GALNT17: variants seen among roughly 807,000 people sequenced by gnomAD.
GALNT17 encodes polypeptide N-acetylgalactosaminyltransferase 17, also known as UDP-GalNAc:polypeptide N-acetylgalactosaminyltransferase-like 3.
Under a neutral mutation model 63.7 loss-of-function variants are expected in GALNT17, and 29 were observed. That is an observed-to-expected ratio of 0.46 (90% CI 0.34 to 0.62). The LOEUF (loss-of-function observed/expected upper bound fraction) is 0.62, where lower values mean the gene tolerates loss of function less well. Ranked by LOEUF, GALNT17 falls within the 20% of genes least tolerant of loss-of-function variation. The probability of loss-of-function intolerance (pLI) is 0.01; values close to 1 mark genes in which losing one functional copy is unlikely to be tolerated. For missense variants in GALNT17, 603 were observed against 799.6 expected (o/e 0.75, Z 2.97); for synonymous variants, 305 against 318.3 (o/e 0.96, Z 0.45).
chr7:71,654,276 C>T (rs1790795449), intron 6 of GALNT17, among the ~76,000 whole-genome samples: 3 of 152,114 alleles, frequency 2.0e-5, no homozygotes, highest in South Asian at 2.1e-4. Context: ...GCCTTGTGAT[C>T]GGCAACCGAA....
chr7:71,214,356 G>C (rs1429520590), intron 1 of GALNT17, among the ~76,000 whole-genome samples: 3 of 152,172 alleles, frequency 2.0e-5, no homozygotes, highest in African/African-American at 7.2e-5. Flanking sequence ...TCTCAGATGA[G>C]AGTTCTGAGA....
At chr7:71,349,468 G>A (rs1295661266) in intron 2 of GALNT17, among the ~76,000 whole-genome samples, 1 of 152,166 alleles carries the variant, frequency 6.6e-6, no homozygotes, top group Non-Finnish European at 1.5e-5. Context: ...GTGGCATATG[G>A]AGGGAACATA....
rs575821529 is a variant in GALNT17 at position 71,546,271 on chromosome 7, C to G, written c.963-25014C>G. On this transcript the variant is annotated intron_variant, in intron 5 of 10. Coordinates refer to ENST00000333538, the MANE Select transcript of GALNT17 (RefSeq NM_022479.3). ...AGCCTCCCTGGCTGAAGCAATGCTC[C>G]CATCTCAGCCTCCTGAGTAGCTGGG... Among the ~76,000 whole-genome samples, 8 of 151,898 alleles carry G rather than the reference C, an allele frequency of 5.3e-5. 2 individuals carry two copies. In the South Asian group the frequency reaches 1.7e-3, roughly 32 times the overall value.
chr7:71,263,849 G>A (rs537467588), intron 1 of GALNT17, among the ~76,000 whole-genome samples: 21 of 151,344 alleles, frequency 1.4e-4, no homozygotes, highest in Non-Finnish European at 2.2e-4. Flanking sequence ...GCGTGAACCC[G>A]GGAGGCGGAG....
intron 1 of GALNT17, among the ~76,000 whole-genome samples, chr7:71,189,676 G>A (rs1471201561): frequency 2.0e-5 from 3 of 152,168 alleles, no homozygotes; most frequent in Admixed American, 1.3e-4. Context: ...CTTCGGTGGA[G>A]GTTTGGGAGA....
At chr7:71,703,916 G>C (rs866912129) in intron 9 of GALNT17, among the ~76,000 whole-genome samples, 2 of 152,318 alleles carry the variant, frequency 1.3e-5, no homozygotes, top group African/African-American at 4.8e-5. Context: ...TCTGAAGGCA[G>C]TAAGGGCCCA....
chr7:71,350,722 G>A (rs1792174569), intron 2 of GALNT17, among the ~76,000 whole-genome samples: 1 of 152,156 alleles, frequency 6.6e-6, no homozygotes, highest in African/African-American at 2.4e-5. Context: ...ATCCATGAGG[G>A]GGTTCTGGAA....
At position 71,607,950 on chromosome 7, in the gene GALNT17, C is replaced by G. The variant is rs549995045; in HGVS notation, c.1080+36548C>G. On this transcript the variant is annotated intron_variant, in intron 6 of 10. Transcript: ENST00000333538. ...TAGTCCTGAACTTTCAGTTGCCTCA[C>G]ACACAAAACTTATGTCTCATACCTG... 2.0e-5 allele frequency among the ~76,000 whole-genome samples: 3 copies of G among 152,252 alleles called. No individual in the cohort carries two copies. In the South Asian group the frequency reaches 6.2e-4, roughly 32 times the overall value.
intron 1 of GALNT17, among the ~76,000 whole-genome samples, chr7:71,308,744 GTTTTTTTT>G (rs760443992): frequency 1.4e-5 from 2 of 138,786 alleles, no homozygotes; most frequent in East Asian, 2.1e-4. Context: ...TTTCTCTTTA[GTTTTTTTT>G]TTTTTTTTTG....
chr7:71,188,218 A>T (rs1038704699), intron 1 of GALNT17, among the ~76,000 whole-genome samples: 2 of 152,040 alleles, frequency 1.3e-5, no homozygotes, highest in Non-Finnish European at 2.9e-5. Context: ...TCGTATAATG[A>T]CTTCTTTTCC....
chr7:71,554,383 C>T (rs62459937), intron 5 of GALNT17, among the ~76,000 whole-genome samples: 5,230 of 152,302 alleles, frequency 0.034, 97 homozygotes, highest in Middle Eastern at 0.082. Flanking sequence ...CTTTGCCTTT[C>T]GCCATGATGG....
chr7:71,344,529 A>C (rs1475218378), intron 2 of GALNT17, among the ~76,000 whole-genome samples: 2 of 152,096 alleles, frequency 1.3e-5, no homozygotes, highest in African/African-American at 4.8e-5. Context: ...AAAAGATTAG[A>C]GTCAGGATGG....
At chr7:71,411,814 C>T (rs1489083248) in intron 3 of GALNT17, among the ~76,000 whole-genome samples, 1 of 152,222 alleles carries the variant, frequency 6.6e-6, no homozygotes, top group Non-Finnish European at 1.5e-5. Flanking sequence ...ATGCATTTGA[C>T]TTTCCTGACC....
chr7:71,323,104 GATA>G (rs1221867263), intron 1 of GALNT17, among the ~76,000 whole-genome samples: 1 of 152,006 alleles, frequency 6.6e-6, no homozygotes, highest in Non-Finnish European at 1.5e-5. Flanking sequence ...AAAATTACAT[GATA>G]ATGATATGTC....
At chr7:71,398,971 G>A (rs1036421695) in intron 3 of GALNT17, among the ~76,000 whole-genome samples, 40 of 152,148 alleles carry the variant, frequency 2.6e-4, no homozygotes, top group Admixed American at 7.9e-4. Flanking sequence ...GGTGGCTCAC[G>A]CCTGTAATCC....
At chr7:71,556,052 G>A (rs6460672) in intron 5 of GALNT17, among the ~76,000 whole-genome samples, 127,750 of 152,208 alleles carry the variant, frequency 0.84, 53,981 homozygotes, top group Middle Eastern at 0.89. Flanking sequence ...GAGATGGCAA[G>A]TCCAGCATAG....
intron 1 of GALNT17, among the ~76,000 whole-genome samples, chr7:71,210,253 C>T (rs1268533382): frequency 6.6e-6 from 1 of 152,138 alleles, no homozygotes; most frequent in Admixed American, 6.5e-5. Context: ...CAATTATCTC[C>T]CCCTGGGTCC....
intron 9 of GALNT17, among the ~76,000 whole-genome samples, chr7:71,696,220 C>T (rs1314578754): frequency 6.6e-6 from 1 of 152,122 alleles, no homozygotes; most frequent in Non-Finnish European, 1.5e-5. Flanking sequence ...TCAATTGATC[C>T]TCCTGCCTCA....
At chr7:71,273,985 C>G (rs1790639673) in intron 1 of GALNT17, among the ~76,000 whole-genome samples, 1 of 152,208 alleles carries the variant, frequency 6.6e-6, no homozygotes, top group Non-Finnish European at 1.5e-5. Flanking sequence ...TGCCTGGCAT[C>G]TAAGCATAGC....
Sources: allele counts gnomAD v4.1 joint callset (sites outside exome capture counted in the v4.1 genomes callset), GRCh38; gene constraint gnomAD v4.1.1; transcripts MANE v1.5; gene names NCBI Gene and HGNC (gene_info 2026-07-23, HGNC 2026-07-21).